The following DYNC2I1 variants were observed in gnomAD, a reference collection of about 807,000 sequenced individuals.
DYNC2I1 encodes the protein cytoplasmic dynein 2 intermediate chain 1.
A neutral mutation model predicts 133.4 loss-of-function variants in DYNC2I1; 89 were observed. The observed-to-expected ratio is 0.67, with a 90% CI of 0.56 to 0.80. DYNC2I1 has a LOEUF of 0.80. DYNC2I1 is among the 30% of genes least tolerant of loss of function. DYNC2I1 has a pLI of 0.00. For synonymous variants in DYNC2I1, 504 were observed against 484.3 expected (o/e 1.04, Z -0.54); for missense variants, 1,291 against 1,314.5 (o/e 0.98, Z 0.28).
Position 158,880,037 on chromosome 7 carries a change from C to T in DYNC2I1, c.879+48C>T, listed in dbSNP as rs149305448. ...GCCTTAGCAGCCGCCCCGAGGCCGGCGCTTTCAGAGGAGGCTTACCGGGCG... is the reference window on the plus strand; with the variant it reads ...GCCTTAGCAGCCGCCCCGAGGCCGGTGCTTTCAGAGGAGGCTTACCGGGCG... On this transcript the variant is annotated intron_variant, in intron 5 of 24. Coordinates refer to ENST00000407559, the MANE Select transcript of DYNC2I1 (RefSeq NM_018051.5). The T allele has an allele frequency of 9.1e-4, 1,388 of 1,532,376 alleles. 7 individuals are homozygous for T. In the African/African-American group the frequency reaches 0.017, roughly 19 times the overall value. 94.9% of individuals were successfully genotyped at this position (1,532,376 alleles called of 1,614,324 possible). A position where few individuals can be genotyped will look rare whatever the true frequency, so the allele number is the denominator to read the frequency against.
At position 158,922,561 on chromosome 7, in the gene DYNC2I1, G is replaced by A. The variant is rs770429364; in HGVS notation, c.2094+12G>A. The A allele has an allele frequency of 8.7e-6, 14 of 1,611,970 alleles. No individual in the cohort carries two copies. The highest frequency in any genetic ancestry group is 1.1e-5 in the Non-Finnish European group (13 of 1,179,004). The stretch of plus-strand genomic sequence containing the variant: ...TATGTGAGTCCCAGGTACAGCTCAG[G>A]ATGAGAGTCGCACGTTTGATGGGAG... On this transcript the variant is annotated intron_variant, in intron 16 of 24. Coordinates refer to ENST00000407559, the MANE Select transcript of DYNC2I1 (RefSeq NM_018051.5).
downstream of DYNC2I1, among the ~76,000 whole-genome samples, chr7:158,958,033 AC>A (rs1852243268): frequency 7.2e-6 from 1 of 138,764 alleles, no homozygotes; most frequent in Admixed American, 7.3e-5. Context: ...CCACAGCCAC[AC>A]CCTAGGTCGT....
Position 158,916,181 on chromosome 7 carries a change from C to T in DYNC2I1, c.1791+1860C>T, listed in dbSNP as rs6944600. Among the ~76,000 whole-genome samples the T allele has an allele frequency of 1.5e-4, 12 of 80,494 alleles. 2 individuals carry two copies. Among genetic ancestry groups the T allele is most frequent in the African/African-American group, 4.0e-4 (10 of 25,032 alleles). The allele number at this position is 80,494 out of a possible 152,430, so 52.8% of individuals were successfully genotyped here. A position where few individuals can be genotyped will look rare whatever the true frequency, so the allele number is the denominator to read the frequency against. On this transcript the variant is annotated intron_variant, in intron 14 of 24. Coordinates refer to ENST00000407559, the MANE Select transcript of DYNC2I1 (RefSeq NM_018051.5). Reference sequence around the variant, plus strand: ...TAAGGATGATTGTGAAACGTCGACACGCTGGTTGACATTAAGGATGATTGT... The same window carrying T: ...TAAGGATGATTGTGAAACGTCGACATGCTGGTTGACATTAAGGATGATTGT...
intron 4 of DYNC2I1, 128 bp from the exon 5 acceptor site, chr7:158,879,556 C>T (rs1843784060): frequency 7.0e-6 from 7 of 996,726 alleles, no homozygotes; most frequent in East Asian, 2.6e-5. Flanking sequence ...ACTACAGACA[C>T]GATTTTCTTC....
intron 6 of DYNC2I1, 86 bp from the exon 7 acceptor site, chr7:158,886,935 G>T: frequency 8.0e-7 from 1 of 1,247,340 alleles, no homozygotes; most frequent in Non-Finnish European, 1.2e-6. Flanking sequence ...ATATTGTTAA[G>T]AGCTTTCACT....
chr7:158,881,645 G>A (rs540977886), intron 5 of DYNC2I1, among the ~76,000 whole-genome samples: 1 of 151,988 alleles, frequency 6.6e-6, no homozygotes, highest in Non-Finnish European at 1.5e-5. Flanking sequence ...AGTAGAGACG[G>A]GGTTTCACCG....
At chr7:158,870,319 A>G (rs1460856562) in intron 2 of DYNC2I1, among the ~76,000 whole-genome samples, 1 of 152,066 alleles carries the variant, frequency 6.6e-6, no homozygotes, top group Non-Finnish European at 1.5e-5. Flanking sequence ...CTTTTAACAC[A>G]TGTAGTATTT....
chr7:158,917,248 C>T (rs13226269), intron 14 of DYNC2I1, among the ~76,000 whole-genome samples: 10 of 100,942 alleles, frequency 9.9e-5, no homozygotes, highest in East Asian at 2.3e-4. Context: ...TTGACACGCT[C>T]GTTGACATTA....
At chr7:158,947,934 C>T (rs757509163), downstream of DYNC2I1, among the ~76,000 whole-genome samples, 7 of 152,238 alleles carry the variant, frequency 4.6e-5, no homozygotes, top group Non-Finnish European at 7.3e-5. Context: ...TCCCAGGCTC[C>T]TAAGCATTGG....
At chr7:158,956,718 G>A (rs1036881519) in exon 5 of DYNC2I1, 1 of 152,380 alleles carries the variant, frequency 6.6e-6, no homozygotes, top group South Asian at 2.1e-4. Flanking sequence ...CCAGTGCCCG[G>A]TGGGGACTAT....
At chr7:158,884,480 C>T (rs1844398343) in intron 5 of DYNC2I1, 84 bp from the exon 6 acceptor site, 1 of 1,305,140 alleles carries the variant, frequency 7.7e-7, no homozygotes, top group South Asian at 1.4e-5. Flanking sequence ...TGAATCTGTG[C>T]TTGTTTTGTG....
rs191247349 is a variant in DYNC2I1 at position 158,935,060 on chromosome 7, A to G, written c.2778+511A>G. Reference sequence around the variant, plus strand: ...TTTAACAGAAGAATATGAAATACCAAAACCTATGATACAGCCAAAAATGTG... The same window carrying G: ...TTTAACAGAAGAATATGAAATACCAGAACCTATGATACAGCCAAAAATGTG... On this transcript the variant is annotated intron_variant, in intron 23 of 24. Transcript: ENST00000407559. Among the ~76,000 whole-genome samples, 783 of 152,372 alleles carry G rather than the reference A, an allele frequency of 5.1e-3. 3 individuals are homozygous for G. The highest frequency in any genetic ancestry group is 9.1e-3 in the Non-Finnish European group (621 of 68,024).
At chr7:158,909,224 G>C (rs997931751) in intron 11 of DYNC2I1, among the ~76,000 whole-genome samples, 1 of 151,542 alleles carries the variant, frequency 6.6e-6, no homozygotes, top group South Asian at 2.1e-4. Context: ...CCAGCCACTC[G>C]GGAGGCTGAG....
At position 158,902,525 on chromosome 7, in the gene DYNC2I1, G is replaced by A. The variant is rs375910832; in HGVS notation, c.1287G>A (p.Arg429=). The A allele has an allele frequency of 3.1e-6, 5 of 1,613,934 alleles. No individual in the cohort carries two copies. Among genetic ancestry groups the A allele is most frequent in the Non-Finnish European group, 4.2e-6 (5 of 1,179,908 alleles). ...IQRAINAENE[R]IGELSLKLFQ... ...GAGCTATTAATGCAGAAAATGAAAG[G>A]ATTGGCGAGTTATCTTTGAAACTGT... Residue 429 remains arginine (R), a synonymous_variant, in exon 10 of 25, where the codon AGG becomes AGA. Coordinates refer to ENST00000407559, the MANE Select transcript of DYNC2I1 (RefSeq NM_018051.5).
intron 1 of DYNC2I1, among the ~76,000 whole-genome samples, chr7:158,863,118 G>A (rs2129476157): frequency 1.5e-5 from 2 of 137,216 alleles, no homozygotes; most frequent in Middle Eastern, 7.2e-3. Flanking sequence ...CTGCTGGCTG[G>A]GGGTGGGGGG....
chr7:158,893,869 CAT>C (rs1346748295), intron 8 of DYNC2I1, among the ~76,000 whole-genome samples: 1 of 151,992 alleles, frequency 6.6e-6, no homozygotes, highest in Non-Finnish European at 1.5e-5. Flanking sequence ...TATTGTACCA[CAT>C]ATCATATCGT....
In DYNC2I1 at chr7:158,934,432, T is replaced by C; in HGVS notation, c.2661T>C (p.His887=). Residue 887 remains histidine (H), a synonymous_variant, in exon 23 of 25, where the codon CAT becomes CAC. Transcript: ENST00000407559. ...IIGTDMGLIS[H]GTRQDLRVAP... ...CTTCTTCACAGGGTCTCATAAGCCA[T>C]GGCACAAGACAAGATTTGAGAGTGG... The C allele has an allele frequency of 6.2e-7, 1 of 1,603,752 alleles. No homozygotes were observed.
chr7:158,918,733 C>A lies in DYNC2I1; in HGVS notation c.1792-7C>A, dbSNP rs548044469. The A allele has an allele frequency of 1.1e-4, 185 of 1,613,414 alleles. No individual in the cohort carries two copies. The South Asian group carries it at 1.8e-3, about 16-fold the overall frequency. ...TTTATTAAAGACTACTCACTTATGT[C>A]TGACAGGTGATGGCCGTTTTGCTGG... On this transcript the variant is annotated splice_region_variant and splice_polypyrimidine_tract_variant and intron_variant, in intron 14 of 24. Coordinates refer to ENST00000407559, the MANE Select transcript of DYNC2I1 (RefSeq NM_018051.5).
rs1178202464 is a variant in DYNC2I1, at chr7:158,872,360, C to T, written c.490+798C>T. ...TAAAAACCATTTAGCCAGCTGGGCGCGGTGGCTCACGCCTGTAATCCCAGC... is the reference window on the plus strand; with the variant it reads ...TAAAAACCATTTAGCCAGCTGGGCGTGGTGGCTCACGCCTGTAATCCCAGC... On this transcript the variant is annotated intron_variant, in intron 3 of 24. Transcript: ENST00000407559. Among the ~76,000 whole-genome samples, 7 of 149,594 alleles carry T rather than the reference C, an allele frequency of 4.7e-5. No homozygotes were observed. In the East Asian group the frequency reaches 1.2e-3, roughly 26 times the overall value.
Sources: allele counts gnomAD v4.1 joint callset (sites outside exome capture counted in the v4.1 genomes callset), GRCh38; gene constraint gnomAD v4.1.1; transcripts MANE v1.5; gene names NCBI Gene and HGNC (gene_info 2026-07-23, HGNC 2026-07-21).